CPVL: variants seen among roughly 807,000 people sequenced by gnomAD.
CPVL encodes probable serine carboxypeptidase CPVL.
CPVL carries 51 observed loss-of-function variants against 63.7 expected under a neutral mutation model. The ratio of observed to expected loss-of-function variants is 0.80; its 90% CI spans 0.64 to 1.01. The LOEUF (loss-of-function observed/expected upper bound fraction) is 1.01. Ranked by LOEUF, CPVL falls within the 50% of genes least tolerant of loss-of-function variation. The pLI is 0.00. For missense variants in CPVL, 530 were observed against 573.1 expected (o/e 0.92, Z 0.77); for synonymous variants, 195 against 206.0 (o/e 0.95, Z 0.46).
At position 29,155,945 on chromosome 7, in the gene CPVL, C is replaced by T. The variant is rs565941492; in HGVS notation, c.-11+25345G>A. Among the ~76,000 whole-genome samples the T allele has an allele frequency of 5.3e-5, 8 of 152,308 alleles. No individual in the cohort carries two copies. The South Asian group carries it at 6.2e-4, about 12-fold the overall frequency. The stretch of plus-strand genomic sequence containing the variant: ...GAGCCGATAGATCTAGAGACGGCCA[C>T]GTGCTCTTGCACAGCCTAGCCAGCT... On this transcript the variant is annotated intron_variant, in intron 5 of 16. Transcript: ENST00000409850.
chr7:29,146,702 G>A, upstream of CPVL: 1 of 1,550,612 alleles, frequency 6.4e-7, no homozygotes, highest in Non-Finnish European at 8.7e-7. Context: ...CCCCAGGGTG[G>A]AATCTTAAAA....
In CPVL at chr7:28,995,685, A is replaced by C. The variant is rs1783983971; in HGVS notation, c.*87T>G. The C allele has an allele frequency of 1.0e-5, 8 of 800,380 alleles. No individual in the cohort carries two copies. The highest frequency in any genetic ancestry group is 1.6e-5 in the Non-Finnish European group (8 of 497,582). The allele number at this position is 800,380 out of a possible 1,614,324, so 49.6% of individuals were successfully genotyped here. ...AAAAATCTTGCAGATATGAAAAGAT[A>C]ATTTTTTTATTCCTATGACATTTTC... On this transcript the variant is annotated 3_prime_UTR_variant, in exon 13 of 13. Coordinates refer to ENST00000265394, the MANE Select transcript of CPVL (RefSeq NM_031311.5).
At chr7:29,015,204 A>C (rs1230632876) in intron 12 of CPVL, among the ~76,000 whole-genome samples, 2 of 152,208 alleles carry the variant, frequency 1.3e-5, no homozygotes, top group East Asian at 3.9e-4. Context: ...TTAGGGAACA[A>C]GTATTCTATG....
chr7:29,158,002 G>C (rs1794656669), intron 5 of CPVL, among the ~76,000 whole-genome samples: 1 of 152,184 alleles, frequency 6.6e-6, no homozygotes, highest in Non-Finnish European at 1.5e-5. Flanking sequence ...AGAAACGGAA[G>C]GAAGTGTTAT....
In CPVL at chr7:29,085,081, C is replaced by A. The variant is rs577491548; in HGVS notation, c.609+1403G>T. 1.1e-4 allele frequency among the ~76,000 whole-genome samples: 17 copies of A among 152,288 alleles called. No homozygotes were observed. The East Asian group carries it at 2.1e-3, about 19-fold the overall frequency. ...GAAGTCATTTTGTTTCCTAGCTCTG[C>A]CCACAGACTGTCTAAAAGCAATGAC... is the stretch of plus-strand genomic sequence containing the variant. On this transcript the variant is annotated intron_variant, in intron 7 of 12. Coordinates refer to ENST00000265394, the MANE Select transcript of CPVL (RefSeq NM_031311.5).
At chr7:29,020,242 TGAG>T (rs1326908366) in intron 12 of CPVL, among the ~76,000 whole-genome samples, 2 of 152,152 alleles carry the variant, frequency 1.3e-5, no homozygotes, top group Non-Finnish European at 2.9e-5. Context: ...CAAATAATCT[TGAG>T]GAGATCGTGT....
intron 12 of CPVL, among the ~76,000 whole-genome samples, chr7:29,016,681 G>T (rs1406148822): frequency 6.6e-6 from 1 of 152,144 alleles, no homozygotes; most frequent in African/African-American, 2.4e-5. Context: ...CTTGGTGCAG[G>T]GCTTGTGCTT....
chr7:29,050,584 T>C (rs1790046600), intron 11 of CPVL, among the ~76,000 whole-genome samples: 1 of 151,948 alleles, frequency 6.6e-6, no homozygotes, highest in Admixed American at 6.6e-5. Context: ...AAAGAAATCA[T>C]AAATACAAAT....
At chr7:29,186,016 G>GT (rs1798666048) in intron 2 of CPVL, among the ~76,000 whole-genome samples, 1 of 152,132 alleles carries the variant, frequency 6.6e-6, no homozygotes. Flanking sequence ...TCACTGTATT[G>GT]TTTGAGTAAG....
intron 12 of CPVL, among the ~76,000 whole-genome samples, chr7:29,014,089 C>A (rs1193140447): frequency 6.6e-6 from 1 of 152,190 alleles, no homozygotes; most frequent in Non-Finnish European, 1.5e-5. Flanking sequence ...TTTGGAGGAC[C>A]TAACCTGTGA....
rs186780498 is a variant in CPVL, at chr7:29,074,001, G to A, written c.610-1578C>T. On this transcript the variant is annotated intron_variant, in intron 7 of 12. Coordinates refer to ENST00000265394, the MANE Select transcript of CPVL (RefSeq NM_031311.5). The stretch of plus-strand genomic sequence containing the variant: ...CTCCAAGGCCCTCCAGGGGTCTGTA[G>A]TTCAAAGGCTGGGAACCCCTGAAAG... Among the ~76,000 whole-genome samples the A allele has an allele frequency of 2.0e-5, 3 of 152,306 alleles. No homozygotes were observed. In the East Asian group the frequency reaches 5.8e-4, roughly 29 times the overall value.
intron 5 of CPVL, among the ~76,000 whole-genome samples, chr7:29,171,139 C>T (rs917331161): frequency 1.3e-5 from 2 of 151,864 alleles, no homozygotes; most frequent in Non-Finnish European, 2.9e-5. Flanking sequence ...CTGCCGGTTT[C>T]CCCCCAGTTC....
chr7:29,017,593 A>T (rs1424143908), intron 12 of CPVL, among the ~76,000 whole-genome samples: 1 of 152,234 alleles, frequency 6.6e-6, no homozygotes, highest in Non-Finnish European at 1.5e-5. Context: ...AGATCATGCC[A>T]CTGCATTCCA....
Position 29,056,949 on chromosome 7 carries a change from C to CTTT in CPVL, c.1137+7109_1137+7111dup, listed in dbSNP as rs70977101. Among the ~76,000 whole-genome samples, 229 of 118,048 alleles carry CTTT rather than the reference C, an allele frequency of 1.9e-3. 7 individuals are homozygous for CTTT. Among genetic ancestry groups the CTTT allele is most frequent in the East Asian group, 8.2e-3 (34 of 4,122 alleles). The allele number at this position is 118,048 out of a possible 152,430, so 77.4% of individuals were successfully genotyped here. ...ATGATGTTGAACATCTTTTCCTTTT[C>CTTT]TTTTTTTTTTTTTTTTTTTGAGACA... On this transcript the variant is annotated intron_variant, in intron 11 of 12. Coordinates refer to ENST00000265394, the MANE Select transcript of CPVL (RefSeq NM_031311.5).
rs11366743 is a variant in CPVL at position 29,005,063 on chromosome 7, A to AT, written c.1321-9182dup. Among the ~76,000 whole-genome samples, 440 of 151,158 alleles carry AT rather than the reference A, an allele frequency of 2.9e-3. 1 individual carries two copies. Among genetic ancestry groups the AT allele is most frequent in the African/African-American group, 1.0e-2 (411 of 41,160 alleles). On this transcript the variant is annotated intron_variant, in intron 12 of 12. Coordinates refer to ENST00000265394, the MANE Select transcript of CPVL (RefSeq NM_031311.5). Reference sequence around the variant, plus strand: ...AGGCATACGCCACTACATCCAGCTAATTTTTTTTGTATTTTCAGTAGAAAC... The same window carrying AT: ...AGGCATACGCCACTACATCCAGCTAATTTTTTTTTGTATTTTCAGTAGAAAC...
intron 11 of CPVL, 123 bp from the exon 12 acceptor site, chr7:29,030,882 T>C: frequency 3.6e-6 from 3 of 830,464 alleles, no homozygotes; most frequent in Middle Eastern, 3.7e-4. Flanking sequence ...TGAGATTTTC[T>C]TCTAGTTAGC....
chr7:29,063,891 A>C (rs1782886987), intron 11 of CPVL, among the ~76,000 whole-genome samples, 170 bp downstream of exon 11: 3 of 152,016 alleles, frequency 2.0e-5, no homozygotes, highest in Admixed American at 2.0e-4. Flanking sequence ...AATTAAAAGG[A>C]ACAATATAAA....
chr7:29,041,206 A>G (rs1846489), intron 11 of CPVL, among the ~76,000 whole-genome samples: 23,678 of 142,210 alleles, frequency 0.17, 1,961 homozygotes, highest in Middle Eastern at 0.25. Flanking sequence ...ATCTCGGCTC[A>G]CTGCGACTTC....
At chr7:29,189,095 C>T (rs578117888) in intron 1 of CPVL, among the ~76,000 whole-genome samples, 11 of 151,938 alleles carry the variant, frequency 7.2e-5, no homozygotes, top group African/African-American at 1.9e-4. Flanking sequence ...ACATTACAGG[C>T]GCACACCATC....
Sources: allele counts gnomAD v4.1 joint callset (sites outside exome capture counted in the v4.1 genomes callset), GRCh38; gene constraint gnomAD v4.1.1; transcripts MANE v1.5; gene names NCBI Gene and HGNC (gene_info 2026-07-23, HGNC 2026-07-21).